Variants in PPP1R9A observed in about 807,000 individuals in gnomAD.
PPP1R9A encodes the protein protein phosphatase 1 regulatory subunit 9A.
PPP1R9A carries 59 observed loss-of-function variants against 141.9 expected under a neutral mutation model. That is an observed-to-expected ratio of 0.42 (90% confidence interval 0.34 to 0.52). The LOEUF is 0.52. PPP1R9A is among the 20% of genes least tolerant of loss of function. The pLI is 0.10. For missense variants in PPP1R9A, 1,444 were observed against 1,611.9 expected, an observed-to-expected ratio of 0.90 and a Z score of 1.78; for synonymous variants, 500 against 569.7, an observed-to-expected ratio of 0.88 and a Z score of 1.74.
chr7:95,250,234 T>C lies in PPP1R9A; in HGVS notation c.2375T>C (p.Leu792Ser). 1 of 1,606,472 alleles carries C rather than the reference T, an allele frequency of 6.2e-7. No homozygotes were observed. Among genetic ancestry groups the C allele is most frequent in the South Asian group, 1.1e-5 (1 of 88,722 alleles). ...AAGAAATACAACAAGGCAAAGAAGTTGATCAAGGATTTTCAACAAAAGTAA... is the reference window on the plus strand; with the variant it reads ...AAGAAATACAACAAGGCAAAGAAGTCGATCAAGGATTTTCAACAAAAGTAA... ...LEKKYNKAKKLIKDFQQKELD... is the reference protein window; with the variant it reads ...LEKKYNKAKKSIKDFQQKELD... The change falls in exon 10 of 20, where the codon TTG becomes TCG. Residue 792 changes from leucine (L) to serine (S), a missense_variant. Transcript: ENST00000433360.
chr7:95,256,146 G>GA (rs1324971171), intron 12 of PPP1R9A, among the ~76,000 whole-genome samples: 1 of 143,698 alleles, frequency 7.0e-6, no homozygotes, highest in Non-Finnish European at 1.5e-5. Flanking sequence ...AACTGAGCAA[G>GA]AAAAAAATAT....
intron 12 of PPP1R9A, among the ~76,000 whole-genome samples, chr7:95,261,771 T>G (rs539790726): frequency 2.0e-5 from 3 of 152,330 alleles, no homozygotes; most frequent in Non-Finnish European, 4.4e-5. Context: ...CCATTTTCTA[T>G]TAAAGTACTA....
At chr7:95,114,073 A>G (rs1484887978) in intron 3 of PPP1R9A, among the ~76,000 whole-genome samples, 1 of 152,176 alleles carries the variant, frequency 6.6e-6, no homozygotes, top group African/African-American at 2.4e-5. Context: ...GGGCCATCAT[A>G]TTACTTATTT....
intron 2 of PPP1R9A, among the ~76,000 whole-genome samples, chr7:95,028,559 A>G (rs1807220360): frequency 6.6e-6 from 1 of 152,228 alleles, no homozygotes; most frequent in Non-Finnish European, 1.5e-5. Flanking sequence ...CGTGTGATGG[A>G]ATAAATATTA....
Position 95,294,307 on chromosome 7 carries a change from C to T in PPP1R9A, c.*4004C>T, listed in dbSNP as rs1358722298. The stretch of plus-strand genomic sequence containing the variant: ...TTTTTTTTTTTTTTCTGTCATCTGT[C>T]ACCCAGACTGGACTGCAGTGGTGCC... On this transcript the variant is annotated 3_prime_UTR_variant, in exon 20 of 20. Transcript: ENST00000433360. 2.4e-5 allele frequency: 3 copies of T among 126,900 alleles called. No homozygotes were observed. The highest frequency in any genetic ancestry group is 4.7e-5 in the Non-Finnish European group (3 of 63,354). 7.9% of individuals were successfully genotyped at this position (126,900 alleles called of 1,614,324 possible).
chr7:95,201,363 G>GT (rs1004272025), intron 6 of PPP1R9A, among the ~76,000 whole-genome samples: 10 of 152,046 alleles, frequency 6.6e-5, no homozygotes, highest in African/African-American at 2.4e-4. Context: ...TGTGACTTGG[G>GT]TTTTTTCCCT....
At chr7:95,041,950 T>A (rs1329465279) in intron 2 of PPP1R9A, among the ~76,000 whole-genome samples, 1 of 152,142 alleles carries the variant, frequency 6.6e-6, no homozygotes, top group South Asian at 2.1e-4. Flanking sequence ...CTTTATTTAA[T>A]CAGAGGTCAA....
At chr7:95,118,055 C>T (rs759651233) in intron 3 of PPP1R9A, among the ~76,000 whole-genome samples, 5 of 152,050 alleles carry the variant, frequency 3.3e-5, no homozygotes, top group Non-Finnish European at 7.4e-5. Context: ...ATGAATGTGA[C>T]GAATGTCAAT....
At chr7:95,063,992 A>G (rs1812617340) in intron 2 of PPP1R9A, among the ~76,000 whole-genome samples, 1 of 152,190 alleles carries the variant, frequency 6.6e-6, no homozygotes, top group South Asian at 2.1e-4. Flanking sequence ...GACTTTTGAG[A>G]TCCACTTATC....
At position 94,998,843 on chromosome 7, in the gene PPP1R9A, C is replaced by A. The variant is rs571280554; in HGVS notation, c.1395+87335C>A. ...ACAGTAGTGTAACCATGGCTCACTG[C>A]ATCCTTGACCTTGGGGCTCAAGTGG... On this transcript the variant is annotated intron_variant, in intron 2 of 19. Transcript: ENST00000433360. Among the ~76,000 whole-genome samples the A allele has an allele frequency of 1.5e-3, 232 of 152,240 alleles. 2 individuals carry two copies. The highest frequency in any genetic ancestry group is 5.0e-3 in the African/African-American group (208 of 41,562).
intron 3 of PPP1R9A, 92 bp downstream of exon 3, chr7:95,111,483 G>T: frequency 8.0e-7 from 1 of 1,246,182 alleles, no homozygotes; most frequent in South Asian, 1.7e-5. Context: ...TCTAAGGATT[G>T]GATAAAATTT....
At chr7:94,966,753 C>T (rs563167235) in intron 2 of PPP1R9A, among the ~76,000 whole-genome samples, 1 of 152,236 alleles carries the variant, frequency 6.6e-6, no homozygotes, top group East Asian at 1.9e-4. Context: ...TGATGTTCTT[C>T]AGGAATATTG....
intron 2 of PPP1R9A, among the ~76,000 whole-genome samples, chr7:95,108,286 C>CTTTTCT (rs1246975501): frequency 1.0e-4 from 8 of 76,282 alleles, no homozygotes; most frequent in African/African-American, 4.6e-5. Context: ...TTTTTCTTTT[C>CTTTTCT]TTTTCTTTTT....
chr7:94,993,538 A>G (rs1563092927), intron 2 of PPP1R9A, among the ~76,000 whole-genome samples: 1 of 152,094 alleles, frequency 6.6e-6, no homozygotes, highest in African/African-American at 2.4e-5. Context: ...CTGTAGCTCT[A>G]TTTGTATAGG....
chr7:94,924,722 G>T (rs1370202446), intron 2 of PPP1R9A, among the ~76,000 whole-genome samples: 1 of 152,010 alleles, frequency 6.6e-6, no homozygotes, highest in East Asian at 1.9e-4. Context: ...TAGAGACGGG[G>T]TTTCACCATG....
chr7:95,235,476 C>A (rs754134525), intron 8 of PPP1R9A, among the ~76,000 whole-genome samples: 11 of 152,122 alleles, frequency 7.2e-5, no homozygotes, highest in Non-Finnish European at 1.6e-4. Context: ...TGTGATACCA[C>A]CTCACTCCTG....
chr7:95,019,860 A>T (rs1805655551), intron 2 of PPP1R9A, among the ~76,000 whole-genome samples: 1 of 152,192 alleles, frequency 6.6e-6, no homozygotes, highest in African/African-American at 2.4e-5. Flanking sequence ...AGTTATTTAT[A>T]CAAGAGAAAT....
chr7:95,243,377 C>T (rs557658900), intron 8 of PPP1R9A, among the ~76,000 whole-genome samples: 33 of 152,228 alleles, frequency 2.2e-4, no homozygotes, highest in Middle Eastern at 3.4e-3. Flanking sequence ...GTACCTAGCA[C>T]GTAGTCTCAG....
At chr7:95,020,227 G>A (rs1185000047) in intron 2 of PPP1R9A, among the ~76,000 whole-genome samples, 3 of 152,156 alleles carry the variant, frequency 2.0e-5, no homozygotes, top group African/African-American at 7.2e-5. Flanking sequence ...GTGAGAATTG[G>A]ATTGTAAAGG....
Sources: allele counts gnomAD v4.1 joint callset (sites outside exome capture counted in the v4.1 genomes callset), GRCh38; gene constraint gnomAD v4.1.1; transcripts MANE v1.5; gene names NCBI Gene and HGNC (gene_info 2026-07-23, HGNC 2026-07-21).